Variants in PCNX3 observed in about 807,000 individuals in gnomAD.
PCNX3 encodes the protein pecanex 3.
In PCNX3, 58 loss-of-function variants were observed where a neutral mutation model predicts 207.2. The ratio of observed to expected loss-of-function variants is 0.28; its 90% CI spans 0.23 to 0.35. The LOEUF is 0.35. PCNX3 is among the 10% of genes least tolerant of loss of function. The pLI is 1.00. For synonymous variants in PCNX3, 1,337 were observed against 1,183.5 expected, an observed-to-expected ratio of 1.13 and a Z score of -2.66; for missense variants, 2,410 against 2,774.4, an observed-to-expected ratio of 0.87 and a Z score of 2.95.
In PCNX3 at chr11:65,623,494, G is replaced by A. The variant is rs371901206; in HGVS notation, c.2361G>A (p.Thr787=). The A allele has an allele frequency of 4.5e-5, 73 of 1,605,188 alleles. No individual in the cohort carries two copies. The highest frequency in any genetic ancestry group is 1.7e-4 in the Middle Eastern group (1 of 5,992). ...CCTGACTAGGCTGTCCCTGCAGGAC[G>A]CGGGGAGTGCTGGAGAACATCTTCG... The part of the protein sequence containing the change: ...RLALLALLDR[T]RGVLENIFGV... The change falls in exon 12 of 35, where the codon ACG becomes ACA. Residue 787 remains threonine, a synonymous_variant. Coordinates refer to ENST00000355703, the MANE Select transcript of PCNX3 (RefSeq NM_032223.4).
intron 27 of PCNX3, 130 bp downstream of exon 27, chr11:65,630,734 G>GT (rs1031296825): frequency 1.1e-5 from 15 of 1,331,356 alleles, no homozygotes; most frequent in African/African-American, 4.4e-5. Context: ...GCCTCAGAGA[G>GT]TTTAAGTGTC....
chr11:65,628,551 G>C (rs1188762095), intron 22 of PCNX3, 44 bp from the exon 23 acceptor site: 2 of 1,582,338 alleles, frequency 1.3e-6, no homozygotes, highest in African/African-American at 2.7e-5. Flanking sequence ...GCTTCCATGA[G>C]TGACCCTGCA....
Position 65,618,290 on chromosome 11 carries a change from T to C in PCNX3, c.928T>C (p.Leu310=), listed in dbSNP as rs1854863836. The part of the protein sequence containing the change: ...SCFSGTDRET[L]SSFKSEKTNS... ...CTTCAGCGGCACTGACAGGGAGACATTGAGCAGCTTCAAGAGTGAGAAGAC... is the reference window on the plus strand; with the variant it reads ...CTTCAGCGGCACTGACAGGGAGACACTGAGCAGCTTCAAGAGTGAGAAGAC... Residue 310 remains leucine, a synonymous_variant, in exon 6 of 35, where the codon TTG becomes CTG. Coordinates refer to ENST00000355703, the MANE Select transcript of PCNX3 (RefSeq NM_032223.4). 1 of 1,610,124 alleles carries C rather than the reference T, an allele frequency of 6.2e-7. No homozygotes were observed. Among genetic ancestry groups the C allele is most frequent in the Admixed American group, 1.7e-5 (1 of 59,900 alleles).
At chr11:65,627,306 C>A in intron 21 of PCNX3, 99 bp from the exon 22 acceptor site, 2 of 1,338,052 alleles carry the variant, frequency 1.5e-6, no homozygotes, top group Non-Finnish European at 2.0e-6. Flanking sequence ...GAGCAGAGGC[C>A]AGGGGTTGCT....
chr11:65,619,984 A>G, intron 8 of PCNX3, 52 bp downstream of exon 8: 1 of 1,527,890 alleles, frequency 6.5e-7, no homozygotes, highest in Non-Finnish European at 8.9e-7. Flanking sequence ...TTCCCCCAAC[A>G]GCCTGAGTCC....
chr11:65,636,317 C>T lies in PCNX3; in HGVS notation c.5593+10C>T, dbSNP rs763979181. On this transcript the variant is annotated intron_variant, in intron 33 of 34. Coordinates refer to ENST00000355703, the MANE Select transcript of PCNX3 (RefSeq NM_032223.4). ...CCTGAGAACACGGCAGGTGAGCAGG[C>T]GAGGCTGGGCTGAACCCGTGGGTGA... 26 of 1,610,344 alleles carry T rather than the reference C, an allele frequency of 1.6e-5. No homozygotes were observed. The highest frequency in any genetic ancestry group is 2.7e-5 in the African/African-American group (2 of 74,816).
In PCNX3 at chr11:65,629,347, C is replaced by A. The variant is rs748144919; in HGVS notation, c.3942-10C>A. 1.9e-6 allele frequency: 3 copies of A among 1,608,910 alleles called. No homozygotes were observed. In the South Asian group the frequency reaches 3.3e-5, roughly 18 times the overall value. ...TTGGCCAACCGCCTTGTTGCACTCT[C>A]TCTGAACAGCACTAAACGTGTGGAT... On this transcript the variant is annotated splice_polypyrimidine_tract_variant and intron_variant, in intron 24 of 34. Coordinates refer to ENST00000355703, the MANE Select transcript of PCNX3 (RefSeq NM_032223.4).
chr11:65,623,978 C>T lies in PCNX3; in HGVS notation c.2544+17C>T. ...CCCATGCACGTGAGTACCCATGGAG[C>T]AGCGCCTCTGGCCAGGAGGCCCCGG... is the stretch of plus-strand genomic sequence containing the variant. On this transcript the variant is annotated intron_variant, in intron 13 of 34. Coordinates refer to ENST00000355703, the MANE Select transcript of PCNX3 (RefSeq NM_032223.4). 2 of 1,610,644 alleles carry T rather than the reference C, an allele frequency of 1.2e-6. No individual in the cohort carries two copies. Among genetic ancestry groups the T allele is most frequent in the Non-Finnish European group, 8.5e-7 (1 of 1,179,852 alleles).
At chr11:65,617,180 CAA>C in intron 2 of PCNX3, 68 bp from the exon 3 acceptor site, 4 of 1,463,710 alleles carry the variant, frequency 2.7e-6, no homozygotes, top group Non-Finnish European at 3.7e-6. Flanking sequence ...GAAGCAGTGA[CAA>C]AGATGGGAGG....
In PCNX3 at chr11:65,635,568, C is replaced by T; in HGVS notation, c.5224C>T (p.Gln1742Ter). 1 of 1,612,270 alleles carries T rather than the reference C, an allele frequency of 6.2e-7. No individual in the cohort carries two copies. ...ECVRGLWAGQ[Q>*]QELVFLRNRN... is the part of the protein sequence containing the mutation. ...CGTGCGCGGCCTGTGGGCCGGGCAG[C>T]AGCAGGAGCTGGTGTTCCTGCGCAA... The change falls in exon 32 of 35, where the codon CAG becomes TAG. Residue 1742 changes from glutamine to a stop codon, truncating the protein, a stop_gained. Transcript: ENST00000355703. LOFTEE classifies it high-confidence loss of function. The surrounding 1 kb of genome is among the most constrained non-coding windows in gnomAD (Gnocchi z 9.9).
Position 65,625,673 on chromosome 11 carries a change from C to T in PCNX3, c.3157C>T (p.Leu1053=). The T allele has an allele frequency of 6.2e-7, 1 of 1,613,100 alleles. No homozygotes were observed. Among genetic ancestry groups the T allele is most frequent in the East Asian group, 2.2e-5 (1 of 44,876 alleles). The change falls in exon 19 of 35, where the codon CTG becomes TTG. Residue 1053 remains leucine, a synonymous_variant. Coordinates refer to ENST00000355703, the MANE Select transcript of PCNX3 (RefSeq NM_032223.4). The surrounding 1 kb of genome is among the most constrained non-coding windows in gnomAD (Gnocchi z 5.6). ...GCAGCGTGAGGTCTTGCACTCCGAC[C>T]TGGTGATGTGTGTGGTGATCGCCGT... ...QSVREVLHSD[L]VMCVVIAVLT...
At chr11:65,636,720 GA>G in intron 34 of PCNX3, 31 bp downstream of exon 34, 1 of 1,554,908 alleles carries the variant, frequency 6.4e-7, no homozygotes, top group Non-Finnish European at 8.7e-7. Flanking sequence ...TTGGGTCCCA[GA>G]AGGCTAAGGC....
At position 65,636,836 on chromosome 11, in the gene PCNX3, C is replaced by G. The variant is rs1855870218; in HGVS notation, c.5963C>G (p.Pro1988Arg). 2 of 1,551,156 alleles carry G rather than the reference C, an allele frequency of 1.3e-6. No homozygotes were observed. Among genetic ancestry groups the G allele is most frequent in the Non-Finnish European group, 1.7e-6 (2 of 1,146,988 alleles). The change falls in exon 35 of 35, where the codon CCC becomes CGC. Residue 1988 changes from proline to arginine, a missense_variant. By Grantham distance (103) the Pro-to-Arg change is moderately radical (BLOSUM62 -2). Coordinates refer to ENST00000355703, the MANE Select transcript of PCNX3 (RefSeq NM_032223.4). Reference protein sequence around the residue: ...SPDVSTEASPPRASQDIPCLD... With the variant: ...SPDVSTEASPRRASQDIPCLD... ...GATGTCAGCACTGAGGCCTCACCCC[C>G]CAGAGCTTCCCAGGACATTCCTTGC... is the stretch of plus-strand genomic sequence containing the variant.
intron 22 of PCNX3, 70 bp downstream of exon 22, chr11:65,627,652 G>A (rs1855458911): frequency 5.2e-6 from 8 of 1,551,060 alleles, no homozygotes; most frequent in Admixed American, 3.4e-5. Flanking sequence ...GCCTGGGTGG[G>A]AAGAGAATTT....
chr11:65,630,754 G>T, intron 27 of PCNX3, 150 bp downstream of exon 27: 1 of 1,184,748 alleles, frequency 8.4e-7, no homozygotes. Context: ...CCCCTGAGGT[G>T]CCACTGCCAG....
At position 65,618,219 on chromosome 11, in the gene PCNX3, G is replaced by C; in HGVS notation, c.857G>C (p.Gly286Ala). Residue 286 changes from glycine to alanine, a missense_variant, in exon 6 of 35, where the codon GGC (glycine) becomes GCC (alanine). Physicochemically the swap from Gly to Ala is moderately conservative, Grantham distance 60. Coordinates refer to ENST00000355703, the MANE Select transcript of PCNX3 (RefSeq NM_032223.4). ...GGCTATCAGCCCCTTGACCGGCGGG[G>C]CTCAGGGGAGCCCACGCCCCAGAAA... ...AGGYQPLDRR[G>A]SGEPTPQKAG... 1 of 1,605,094 alleles carries C rather than the reference G, an allele frequency of 6.2e-7. No individual in the cohort carries two copies. Among genetic ancestry groups the C allele is most frequent in the South Asian group, 1.1e-5 (1 of 90,752 alleles).
rs370371020 is a variant in PCNX3 at position 65,628,823 on chromosome 11, G to T, written c.3816G>T (p.Ser1272=). ...GCCTCCTTGACTGTGGCTCAGACTC[G>T]GCCATGCTGTTCGTCCAGGCCCTGC... ...AFAQPFAVPH[S]AMLFVQALLS... The change falls in exon 24 of 35, where the codon TCG becomes TCT. Residue 1272 remains serine, a synonymous_variant. Transcript: ENST00000355703. 1.2e-6 allele frequency: 2 copies of T among 1,611,360 alleles called. No homozygotes were observed. The highest frequency in any genetic ancestry group is 1.3e-5 in the African/African-American group (1 of 74,910).
chr11:65,630,608 C>T lies in PCNX3; in HGVS notation c.4470+4C>T, dbSNP rs770641804. 58 of 1,603,964 alleles carry T rather than the reference C, an allele frequency of 3.6e-5. No homozygotes were observed. Among genetic ancestry groups the T allele is most frequent in the South Asian group, 3.3e-5 (3 of 90,898 alleles). ...CCTCATCACCTACTATGTCAAGGTA[C>T]GGTGGGCAGGTGTGGCCGGGCAGCA... is the stretch of plus-strand genomic sequence containing the variant. On this transcript the variant is annotated splice_donor_region_variant and intron_variant, in intron 27 of 34. Transcript: ENST00000355703.
rs1855848246 is a variant in PCNX3, at chr11:65,636,506, T to C, written c.5709T>C (p.Pro1903=). The change falls in exon 34 of 35, where the codon CCT becomes CCC. Residue 1903 remains proline, a synonymous_variant. Transcript: ENST00000355703. ...TGCAGTGGCCTCCCCCTCGGCTCCC[T>C]GGACCACCCCCTGCATCGCCTATCC... The part of the protein sequence containing the change: ...PLLQWPPPRL[P]GPPPASPIPT... The C allele has an allele frequency of 1.3e-6, 2 of 1,581,314 alleles. No homozygotes were observed. The highest frequency in any genetic ancestry group is 1.9e-5 in the Admixed American group (1 of 52,114).
Sources: allele counts gnomAD v4.1 joint callset, GRCh38; gene constraint gnomAD v4.1.1; non-coding constraint Gnocchi (gnomAD v3.1); transcripts MANE v1.5; gene names NCBI Gene and HGNC (gene_info 2026-07-23, HGNC 2026-07-21).